EHMT1: variants seen among roughly 807,000 people sequenced by gnomAD.
EHMT1 encodes euchromatic histone lysine methyltransferase 1, also known as histone-lysine N-methyltransferase EHMT1.
In EHMT1, 15 loss-of-function variants were observed where a neutral mutation model predicts 147.2. That is an observed-to-expected ratio of 0.10 (90% confidence interval 0.07 to 0.16). EHMT1 has a LOEUF of 0.16. Among genes scored for constraint, EHMT1 ranks in the 10% least tolerant of loss-of-function variants. The pLI is 1.00. For missense variants in EHMT1, 1,587 were observed against 1,772.4 expected, an observed-to-expected ratio of 0.90 and a Z score of 1.88; for synonymous variants, 795 against 709.6, an observed-to-expected ratio of 1.12 and a Z score of -1.91.
intron 9 of EHMT1, among the ~76,000 whole-genome samples, chr9:137,758,988 G>C (rs1313520409): frequency 6.6e-6 from 1 of 151,860 alleles, no homozygotes; most frequent in Non-Finnish European, 1.5e-5. Flanking sequence ...TTAGCCGGGC[G>C]TAGTGGCGGG....
chr9:137,729,260 G>A (rs927445898), intron 4 of EHMT1, among the ~76,000 whole-genome samples: 2 of 152,144 alleles, frequency 1.3e-5, no homozygotes, highest in African/African-American at 4.8e-5. Flanking sequence ...ATGATCACCT[G>A]GCCACAGGTG....
In EHMT1 at chr9:137,787,651, C is replaced by A; in HGVS notation, c.2383-3197C>A. The A allele has an allele frequency of 1.7e-6, 1 of 577,796 alleles. No homozygotes were observed. The highest frequency in any genetic ancestry group is 3.1e-6 in the Non-Finnish European group (1 of 324,514). The allele number at this position is 577,796 out of a possible 1,614,324, so 35.8% of individuals were successfully genotyped here. ...GGTGGAAGCGGGAGGGAGGAGGGGC[C>A]TGTCTTAAGAGCCTCACAGGCTGCA... On this transcript the variant is annotated intron_variant, in intron 15 of 26. Transcript: ENST00000460843. This position sits in a 1 kb window ranked among gnomAD's most constrained non-coding sequence, Gnocchi z 4.2.
intron 26 of EHMT1, 104 bp downstream of exon 26, chr9:137,834,628 G>C: frequency 1.3e-6 from 2 of 1,595,766 alleles, no homozygotes; most frequent in South Asian, 2.2e-5. Flanking sequence ...TATGCTAGTG[G>C]TTTTCCTGTA....
rs1462115946 is a variant in EHMT1 at position 137,813,637 on chromosome 9, TG to T, written c.3180+113del. 4.1e-5 allele frequency: 61 copies of T among 1,495,462 alleles called. No individual in the cohort carries two copies. The highest frequency in any genetic ancestry group is 5.3e-5 in the Non-Finnish European group (58 of 1,098,096). 92.6% of individuals were successfully genotyped at this position (1,495,462 alleles called of 1,614,324 possible). On this transcript the variant is annotated intron_variant, in intron 21 of 26. Transcript: ENST00000460843. This position sits in a 1 kb window ranked among gnomAD's most constrained non-coding sequence, Gnocchi z 4.9. ...TCACCACTCAGAGCAGGAGGGCTTATGGGGGGCTTCCCAGGAAGACCTCATT... is the reference window on the plus strand; with the variant it reads ...TCACCACTCAGAGCAGGAGGGCTTATGGGGGCTTCCCAGGAAGACCTCATT...
chr9:137,623,338 G>T (rs965428946), intron 1 of EHMT1, among the ~76,000 whole-genome samples: 7 of 152,042 alleles, frequency 4.6e-5, no homozygotes, highest in African/African-American at 9.7e-5. Flanking sequence ...CCTGGTGATG[G>T]AACACACTCT....
chr9:137,784,119 G>A, intron 15 of EHMT1: 4 of 1,483,930 alleles, frequency 2.7e-6, no homozygotes, highest in Non-Finnish European at 3.7e-6. Flanking sequence ...TGCAGGCTGG[G>A]AAGCCCAAGG....
intron 1 of EHMT1, among the ~76,000 whole-genome samples, chr9:137,698,937 T>TA (rs11427653): frequency 0.11 from 15,622 of 146,930 alleles, 899 homozygotes; most frequent in Middle Eastern, 0.21. Context: ...ATTGTTTATT[T>TA]AAAAAAAAAA....
chr9:137,634,257 T>C (rs758034582), intron 1 of EHMT1, among the ~76,000 whole-genome samples: 6 of 152,352 alleles, frequency 3.9e-5, no homozygotes, highest in Non-Finnish European at 4.4e-5. Context: ...TTATGTTTCC[T>C]TGGAAAATTT....
chr9:137,666,437 A>G (rs1383214458), intron 1 of EHMT1, among the ~76,000 whole-genome samples: 2 of 152,138 alleles, frequency 1.3e-5, no homozygotes, highest in African/African-American at 4.8e-5. Context: ...TTATTCTCCT[A>G]CCTGCCCCCA....
rs1947181058 is a variant in EHMT1 at position 137,732,329 on chromosome 9, C to T, written c.823+3800C>T. On this transcript the variant is annotated intron_variant, in intron 4 of 26. Transcript: ENST00000460843. The surrounding 1 kb of genome is among the most constrained non-coding windows in gnomAD (Gnocchi z 4.6). ...CAGTGAACCGGCCAGGAACATGTTA[C>T]AGCCCTTTTTGCACCCGCTGTTGCG... 1.3e-5 allele frequency among the ~76,000 whole-genome samples: 2 copies of T among 152,262 alleles called. No individual in the cohort carries two copies. Among genetic ancestry groups the T allele is most frequent in the African/African-American group, 4.8e-5 (2 of 41,472 alleles).
chr9:137,801,754 T>C (rs1213094251), intron 18 of EHMT1, among the ~76,000 whole-genome samples: 5 of 152,176 alleles, frequency 3.3e-5, no homozygotes, highest in African/African-American at 1.2e-4. Context: ...CGCCTCAGCC[T>C]TCCATAGAGC....
At chr9:137,790,226 T>C (rs1952420755) in intron 15 of EHMT1, among the ~76,000 whole-genome samples, 1 of 152,274 alleles carries the variant, frequency 6.6e-6, no homozygotes, top group Non-Finnish European at 1.5e-5. Flanking sequence ...AAGAAGTTTT[T>C]CCTCATGGAG....
intron 3 of EHMT1, among the ~76,000 whole-genome samples, chr9:137,720,515 C>G (rs1026045585): frequency 1.3e-5 from 2 of 152,114 alleles, no homozygotes; most frequent in African/African-American, 4.8e-5. Context: ...GTTGGCCAGG[C>G]TGGTCTTGAA....
intron 1 of EHMT1, among the ~76,000 whole-genome samples, chr9:137,704,238 T>G (rs1045343185): frequency 6.6e-6 from 1 of 152,128 alleles, no homozygotes; most frequent in African/African-American, 2.4e-5. Flanking sequence ...ACCATATCAC[T>G]ATGTGTCTGT....
At chr9:137,688,480 C>T (rs1942654208) in intron 1 of EHMT1, among the ~76,000 whole-genome samples, 1 of 152,218 alleles carries the variant, frequency 6.6e-6, no homozygotes, top group Admixed American at 6.5e-5. Flanking sequence ...CCCTCCTCCT[C>T]AGAGCACATG....
Position 137,782,336 on chromosome 9 carries a change from G to A in EHMT1, c.2321G>A (p.Arg774His), listed in dbSNP as rs1352650735. ...PNFKMEHQNK[R>H]SPLHAAAEAG... is the part of the protein sequence containing the mutation. ...TTCAAAATGGAGCACCAGAATAAGC[G>A]CTCTCCACTGCACGCCGCGGCAGAG... Residue 774 changes from arginine (R) to histidine (H), a missense_variant, in exon 15 of 27, where the codon CGC becomes CAC. Coordinates refer to ENST00000460843, the MANE Select transcript of EHMT1 (RefSeq NM_024757.5). The surrounding 1 kb of genome is among the most constrained non-coding windows in gnomAD (Gnocchi z 5.7). 1.9e-6 allele frequency: 3 copies of A among 1,613,410 alleles called. No homozygotes were observed. The highest frequency in any genetic ancestry group is 1.7e-5 in the Admixed American group (1 of 60,010).
At chr9:137,758,944 G>A (rs1244752850) in intron 9 of EHMT1, among the ~76,000 whole-genome samples, 1 of 152,068 alleles carries the variant, frequency 6.6e-6, no homozygotes, top group Non-Finnish European at 1.5e-5. Context: ...TGGCTGACAT[G>A]ATGAAACCCC....
intron 8 of EHMT1, among the ~76,000 whole-genome samples, chr9:137,757,653 C>T (rs1238348497): frequency 2.0e-5 from 3 of 152,140 alleles, no homozygotes; most frequent in Non-Finnish European, 2.9e-5. Context: ...CTCTCCTCCC[C>T]CATGAATATT....
Position 137,728,355 on chromosome 9 carries a change from GCCAGTAAAGATC to G in EHMT1, c.654_665del (p.Ser218_Pro221del). On this transcript the variant is annotated inframe_deletion, in exon 4 of 27. Coordinates refer to ENST00000460843, the MANE Select transcript of EHMT1 (RefSeq NM_024757.5). ...CACTGTCTTTGTTTTGAAGCATGCA[GCCAGTAAAGATC>G]CCAGAGAAGTTCGAGAAGCTAGAGA... 1 of 1,614,214 alleles carries G rather than the reference GCCAGTAAAGATC, an allele frequency of 6.2e-7. No individual in the cohort carries two copies. The highest frequency in any genetic ancestry group is 2.2e-5 in the East Asian group (1 of 44,894).
Sources: allele counts gnomAD v4.1 joint callset (sites outside exome capture counted in the v4.1 genomes callset), GRCh38; gene constraint gnomAD v4.1.1; non-coding constraint Gnocchi (gnomAD v3.1); transcripts MANE v1.5; gene names NCBI Gene and HGNC (gene_info 2026-07-23, HGNC 2026-07-21).